Variants in GRM7 observed in about 807,000 individuals in gnomAD.
The protein encoded by GRM7 is metabotropic glutamate receptor 7.
A neutral mutation model predicts 84.5 loss-of-function variants in GRM7; 35 were observed. The observed-to-expected ratio is 0.41, with a 90% CI of 0.32 to 0.55. The LOEUF (loss-of-function observed/expected upper bound fraction) is 0.55, where lower values mean the gene tolerates loss of function less well. Ranked by LOEUF, GRM7 falls within the 20% of genes least tolerant of loss-of-function variation. GRM7 has a pLI of 0.19. For missense variants in GRM7, 1,003 were observed against 1,194.6 expected (o/e 0.84, Z 2.36); for synonymous variants, 487 against 455.1 (o/e 1.07, Z -0.89).
At chr3:7,099,334 T>G (rs1052334424) in intron 1 of GRM7, among the ~76,000 whole-genome samples, 1 of 147,884 alleles carries the variant, frequency 6.8e-6, no homozygotes, top group Non-Finnish European at 1.5e-5. Flanking sequence ...TATGTACACA[T>G]GTATTATACA....
At chr3:7,474,441 A>C (rs1384435757) in intron 7 of GRM7, among the ~76,000 whole-genome samples, 1 of 54,360 alleles carries the variant, frequency 1.8e-5, no homozygotes, top group South Asian at 4.7e-4. Flanking sequence ...AGCTTTTCTC[A>C]AAAAAAAAAA....
intron 7 of GRM7, among the ~76,000 whole-genome samples, chr3:7,566,669 T>C (rs1167031126): frequency 6.6e-6 from 1 of 151,906 alleles, no homozygotes; most frequent in Non-Finnish European, 1.5e-5. Context: ...AAAAAAAAGA[T>C]AGCTAACTGG....
chr3:7,624,959 A>T (rs1386921701), intron 8 of GRM7, among the ~76,000 whole-genome samples: 2 of 152,124 alleles, frequency 1.3e-5, no homozygotes, highest in Non-Finnish European at 2.9e-5. Context: ...GAGTTGGGAG[A>T]GGGGCACTGT....
At chr3:7,218,370 T>C (rs1315535849) in intron 2 of GRM7, among the ~76,000 whole-genome samples, 2 of 152,120 alleles carry the variant, frequency 1.3e-5, no homozygotes, top group African/African-American at 4.8e-5. Flanking sequence ...AAATTAAAAA[T>C]GTTTTATACA....
intron 8 of GRM7, among the ~76,000 whole-genome samples, chr3:7,649,654 G>A (rs1240746713): frequency 6.6e-6 from 1 of 152,044 alleles, no homozygotes; most frequent in African/African-American, 2.4e-5. Context: ...CATCACCTTT[G>A]TAACACAGTC....
chr3:7,021,121 TTCTC>T (rs1248054118), intron 1 of GRM7, among the ~76,000 whole-genome samples: 1 of 152,204 alleles, frequency 6.6e-6, no homozygotes, highest in Non-Finnish European at 1.5e-5. Flanking sequence ...TAAATATACT[TTCTC>T]TCTCCTCCCC....
At chr3:7,699,600 T>C (rs1290862140) in intron 9 of GRM7, among the ~76,000 whole-genome samples, 2 of 152,228 alleles carry the variant, frequency 1.3e-5, no homozygotes, top group Non-Finnish European at 2.9e-5. Flanking sequence ...TCATCCATTT[T>C]CAAAAATTAG....
intron 4 of GRM7, among the ~76,000 whole-genome samples, chr3:7,339,420 A>G (rs1356810985): frequency 1.3e-5 from 2 of 152,094 alleles, no homozygotes; most frequent in African/African-American, 2.4e-5. Flanking sequence ...TTCCGTTGCA[A>G]TGGGCATCCT....
chr3:7,490,571 T>C (rs1360374300), intron 7 of GRM7, among the ~76,000 whole-genome samples: 2 of 152,108 alleles, frequency 1.3e-5, no homozygotes, highest in Non-Finnish European at 2.9e-5. Flanking sequence ...TTATTGTGAT[T>C]TGAGTGGGGA....
At chr3:7,419,238 G>C (rs1696297192) in intron 5 of GRM7, among the ~76,000 whole-genome samples, 1 of 152,172 alleles carries the variant, frequency 6.6e-6, no homozygotes. Flanking sequence ...GTCATGCAAT[G>C]TTATGCTATG....
At chr3:7,397,541 A>G (rs1449129130) in intron 4 of GRM7, among the ~76,000 whole-genome samples, 1 of 152,192 alleles carries the variant, frequency 6.6e-6, no homozygotes, top group Non-Finnish European at 1.5e-5. Flanking sequence ...TGAAATAACT[A>G]AAGGAGTGGA....
intron 9 of GRM7, among the ~76,000 whole-genome samples, chr3:7,725,827 C>T (rs1225727009): frequency 6.6e-6 from 1 of 152,108 alleles, no homozygotes; most frequent in African/African-American, 2.4e-5. Flanking sequence ...CCTTCTAGGA[C>T]ATGACATCAT....
chr3:7,508,126 T>G (rs1339961232), intron 7 of GRM7, among the ~76,000 whole-genome samples: 1 of 152,170 alleles, frequency 6.6e-6, no homozygotes, highest in Non-Finnish European at 1.5e-5. Flanking sequence ...ACTTGCCAAT[T>G]TTTTAGTGCT....
At chr3:7,161,790 G>A (rs1694632248) in intron 2 of GRM7, among the ~76,000 whole-genome samples, 1 of 152,172 alleles carries the variant, frequency 6.6e-6, no homozygotes, top group Admixed American at 6.5e-5. Context: ...CCTTGCCTGT[G>A]AATTTAGGTG....
At chr3:7,228,399 C>CA (rs1697052720) in intron 2 of GRM7, among the ~76,000 whole-genome samples, 1 of 151,772 alleles carries the variant, frequency 6.6e-6, no homozygotes, top group Admixed American at 6.6e-5. Context: ...GGATTGGAAA[C>CA]AAAATCCGAT....
At chr3:6,917,688 G>A (rs1160578555) in intron 1 of GRM7, among the ~76,000 whole-genome samples, 1 of 152,058 alleles carries the variant, frequency 6.6e-6, no homozygotes, top group Non-Finnish European at 1.5e-5. Context: ...TATTTCTCCT[G>A]TGAGTAAATA....
intron 2 of GRM7, among the ~76,000 whole-genome samples, chr3:7,262,788 C>T (rs914407281): frequency 2.0e-5 from 3 of 152,228 alleles, no homozygotes; most frequent in Non-Finnish European, 4.4e-5. Context: ...ACCTCCACCT[C>T]CTGGGTTCAA....
chr3:7,112,743 A>G (rs1465847244), intron 1 of GRM7, among the ~76,000 whole-genome samples: 2 of 152,136 alleles, frequency 1.3e-5, no homozygotes, highest in East Asian at 1.9e-4. Flanking sequence ...TATTGATGCC[A>G]TGTGCCAAGC....
intron 1 of GRM7, among the ~76,000 whole-genome samples, chr3:7,130,969 G>A (rs1693577390): frequency 6.6e-6 from 1 of 152,028 alleles, no homozygotes; most frequent in Non-Finnish European, 1.5e-5. Flanking sequence ...ACGCACACAC[G>A]TGCGCAAGGA....
Sources: allele counts gnomAD v4.1 joint callset (sites outside exome capture counted in the v4.1 genomes callset), GRCh38; gene constraint gnomAD v4.1.1; transcripts MANE v1.5; gene names NCBI Gene and HGNC (gene_info 2026-07-23, HGNC 2026-07-21).